Variants in CNTN3 observed in about 807,000 individuals in gnomAD.
The protein encoded by CNTN3 is contactin-3.
CNTN3 carries 60 observed loss-of-function variants against 119.1 expected under a neutral mutation model. The ratio of observed to expected loss-of-function variants is 0.50; its 90% confidence interval spans 0.41 to 0.62. CNTN3 has a LOEUF of 0.62. CNTN3 is among the 20% of genes least tolerant of loss of function. CNTN3 has a pLI of 0.00. For synonymous variants in CNTN3, 450 were observed against 438.7 expected, an observed-to-expected ratio of 1.03 and a Z score of -0.32; for missense variants, 1,101 against 1,242.4, an observed-to-expected ratio of 0.89 and a Z score of 1.71.
rs145098498 is a variant in CNTN3, at chr3:74,400,362, C to T, written c.454+24483G>A. On this transcript the variant is annotated intron_variant, in intron 5 of 22. Coordinates refer to ENST00000263665, the MANE Select transcript of CNTN3 (RefSeq NM_020872.3). ...GTTGTTAAATTGCTTTCTCGAGGAA[C>T]GGCACCGTCCCAGTTGGGGTCGTGA... Among the ~76,000 whole-genome samples the T allele has an allele frequency of 3.3e-5, 5 of 152,278 alleles. 1 individual carries two copies. The highest frequency in any genetic ancestry group is 1.9e-4 in the East Asian group (1 of 5,174).
At chr3:74,367,697 T>C (rs527710948) in intron 8 of CNTN3, among the ~76,000 whole-genome samples, 1 of 151,924 alleles carries the variant, frequency 6.6e-6, no homozygotes, top group East Asian at 1.9e-4. Flanking sequence ...AGAAACTGGG[T>C]CGTGGCCTGA....
chr3:74,442,394 A>T (rs544159294), intron 4 of CNTN3, among the ~76,000 whole-genome samples: 18 of 152,116 alleles, frequency 1.2e-4, no homozygotes, highest in African/African-American at 3.9e-4. Flanking sequence ...ATTTTTATCG[A>T]ATAATAGCCT....
intron 13 of CNTN3, among the ~76,000 whole-genome samples, chr3:74,334,184 C>A (rs1703334483): frequency 6.6e-6 from 1 of 152,094 alleles, no homozygotes; most frequent in African/African-American, 2.4e-5. Flanking sequence ...GGAAACACAC[C>A]GATCTGGACT....
chr3:74,273,636 T>C (rs1873077), intron 20 of CNTN3, among the ~76,000 whole-genome samples: 37,652 of 151,934 alleles, frequency 0.25, 6,105 homozygotes, highest in East Asian at 0.51. Flanking sequence ...AATACAGGGG[T>C]AGAAGAAGCA....
chr3:74,299,464 T>C (rs927499374), intron 17 of CNTN3, among the ~76,000 whole-genome samples: 1 of 152,148 alleles, frequency 6.6e-6, no homozygotes, highest in Non-Finnish European at 1.5e-5. Flanking sequence ...TGGAAAGTCA[T>C]AAGGGGAGCT....
chr3:74,325,874 C>T (rs1703115372), intron 13 of CNTN3, among the ~76,000 whole-genome samples: 1 of 152,086 alleles, frequency 6.6e-6, no homozygotes, highest in African/African-American at 2.4e-5. Context: ...TACTAATTTC[C>T]TATCTGAGCT....
chr3:74,421,776 C>T (rs1449487222), intron 5 of CNTN3, among the ~76,000 whole-genome samples: 1 of 152,162 alleles, frequency 6.6e-6, no homozygotes, highest in Non-Finnish European at 1.5e-5. Context: ...AATCCTTCAT[C>T]AGTTGTACTG....
chr3:74,610,336 G>GAA (rs5850191), intron 1 of CNTN3, among the ~76,000 whole-genome samples: 55 of 149,392 alleles, frequency 3.7e-4, no homozygotes, highest in African/African-American at 9.9e-4. Flanking sequence ...AAACAAAAAT[G>GAA]AAAAAAAAAA....
chr3:74,319,962 A>G (rs932320342), intron 13 of CNTN3, among the ~76,000 whole-genome samples: 1 of 152,220 alleles, frequency 6.6e-6, no homozygotes, highest in Non-Finnish European at 1.5e-5. Flanking sequence ...TCAATACCAC[A>G]ATGAGATACC....
chr3:74,370,128 T>C (rs1002268291), intron 6 of CNTN3, 137 bp from the exon 7 acceptor site: 2 of 524,728 alleles, frequency 3.8e-6, no homozygotes, highest in African/African-American at 4.0e-5. Flanking sequence ...ATTTAGTCTA[T>C]GCAGCTCAGA....
intron 5 of CNTN3, among the ~76,000 whole-genome samples, chr3:74,381,721 C>A (rs571576224): frequency 6.6e-6 from 1 of 152,200 alleles, no homozygotes; most frequent in South Asian, 2.1e-4. Context: ...CACTCTATGA[C>A]TCTGTAGAAA....
intron 16 of CNTN3, among the ~76,000 whole-genome samples, chr3:74,300,333 G>A (rs1055920217): frequency 1.3e-5 from 2 of 152,168 alleles, no homozygotes; most frequent in Non-Finnish European, 2.9e-5. Context: ...TTGGCTATAT[G>A]TAAGGATGAC....
intron 1 of CNTN3, among the ~76,000 whole-genome samples, chr3:74,532,299 T>C (rs1214408646): frequency 1.3e-5 from 2 of 151,972 alleles, no homozygotes; most frequent in African/African-American, 4.8e-5. Context: ...TGGTTTTCAG[T>C]TGGAAAATTC....
intron 5 of CNTN3, among the ~76,000 whole-genome samples, chr3:74,403,520 T>C (rs1047192026): frequency 6.6e-6 from 1 of 152,244 alleles, no homozygotes; most frequent in East Asian, 1.9e-4. Context: ...AATTCTGTGA[T>C]AGGAAAGCAG....
intron 4 of CNTN3, among the ~76,000 whole-genome samples, chr3:74,465,605 C>CA (rs551502025): frequency 9.8e-4 from 149 of 152,168 alleles, no homozygotes; most frequent in Admixed American, 2.0e-3. Flanking sequence ...ATTGTACACA[C>CA]AAAAAAATGC....
intron 2 of CNTN3, among the ~76,000 whole-genome samples, chr3:74,518,811 T>C (rs1385575856): frequency 6.6e-6 from 1 of 151,922 alleles, no homozygotes; most frequent in Non-Finnish European, 1.5e-5. Flanking sequence ...TGAAGATGTG[T>C]GTCAGCAGTC....
intron 1 of CNTN3, among the ~76,000 whole-genome samples, chr3:74,552,404 T>C (rs1490892927): frequency 6.6e-6 from 1 of 152,186 alleles, no homozygotes; most frequent in Non-Finnish European, 1.5e-5. Context: ...TGTACCGTTT[T>C]ACATTGCCAC....
intron 1 of CNTN3, among the ~76,000 whole-genome samples, chr3:74,521,840 G>A (rs1703547929): frequency 6.6e-6 from 1 of 151,782 alleles, no homozygotes; most frequent in Non-Finnish European, 1.5e-5. Flanking sequence ...TGAAAGTCTT[G>A]TGTCATTTTG....
At chr3:74,483,420 G>A (rs1049986330) in intron 4 of CNTN3, among the ~76,000 whole-genome samples, 1 of 152,034 alleles carries the variant, frequency 6.6e-6, no homozygotes, top group African/African-American at 2.4e-5. Flanking sequence ...CACGTGCTCT[G>A]GGCTCTCTTG....
Sources: gnomAD v4.1 joint callset for allele counts (sites outside exome capture counted in the v4.1 genomes callset) on GRCh38, gnomAD v4.1.1 for gene constraint, MANE v1.5 for transcripts, NCBI Gene and HGNC (gene_info 2026-07-23, HGNC 2026-07-21) for gene names.